ZNG1E: variants seen among roughly 807,000 people sequenced by gnomAD.
ZNG1E encodes the protein zinc-regulated GTPase metalloprotein activator 1E.
At chr9:65,717,888 T>C in the ZNG1E span, among the ~76,000 whole-genome samples, 1 of 146,290 alleles carries the variant, frequency 6.8e-6, no homozygotes, top group Non-Finnish European at 1.5e-5. Flanking sequence ...GGTTTTGCCA[T>C]GTTGCTGAAG....
the ZNG1E span, among the ~76,000 whole-genome samples, chr9:65,687,589 G>A: frequency 4.0e-5 from 6 of 151,498 alleles, no homozygotes; most frequent in South Asian, 1.2e-3. Context: ...TTATTAGGAA[G>A]AATTTGTGAG....
At chr9:65,693,938 G>A in the ZNG1E span, among the ~76,000 whole-genome samples, 1 of 150,708 alleles carries the variant, frequency 6.6e-6, no homozygotes, top group Non-Finnish European at 1.5e-5. Context: ...TGTCAGGTTT[G>A]TCAAATAGCT....
chr9:65,715,378 G>C, the ZNG1E span, among the ~76,000 whole-genome samples: 44 of 151,010 alleles, frequency 2.9e-4, no homozygotes, highest in African/African-American at 1.0e-3. Flanking sequence ...CACGCTGGGA[G>C]CTGTAGACCG....
chr9:65,702,256 C>G, the ZNG1E span, among the ~76,000 whole-genome samples: 1 of 151,730 alleles, frequency 6.6e-6, no homozygotes, highest in South Asian at 2.1e-4. Flanking sequence ...GGTAAGTAAC[C>G]CTAAAGACAA....
At chr9:65,656,545 A>G in the ZNG1E span, among the ~76,000 whole-genome samples, 2 of 152,044 alleles carry the variant, frequency 1.3e-5, no homozygotes, top group Admixed American at 1.3e-4. Flanking sequence ...GGATTGGGTT[A>G]TAAGTCTGTA....
the ZNG1E span, among the ~76,000 whole-genome samples, chr9:65,695,989 C>T: frequency 2.7e-5 from 4 of 149,658 alleles, no homozygotes; most frequent in African/African-American, 9.8e-5. Context: ...GAATAGAATG[C>T]CAAACTTTCC....
the ZNG1E span, among the ~76,000 whole-genome samples, chr9:65,665,900 GC>G: frequency 6.7e-6 from 1 of 148,560 alleles, no homozygotes; most frequent in Non-Finnish European, 1.5e-5. Context: ...CTTTGTTTTG[GC>G]CAATTTCTCC....
At chr9:65,661,279 A>G in the ZNG1E span, among the ~76,000 whole-genome samples, 10 of 141,480 alleles carry the variant, frequency 7.1e-5, no homozygotes, top group African/African-American at 2.8e-4. Context: ...CAAAACTAAC[A>G]AACCAAAGGA....
chr9:65,673,774 C>T, the ZNG1E span, among the ~76,000 whole-genome samples: 1 of 152,296 alleles, frequency 6.6e-6, no homozygotes, highest in Non-Finnish European at 1.5e-5. Context: ...CAATGCAATC[C>T]CTGCTGGGCG....
chr9:65,671,688 G>A, the ZNG1E span, among the ~76,000 whole-genome samples: 8 of 151,986 alleles, frequency 5.3e-5, no homozygotes, highest in Non-Finnish European at 7.4e-5. Context: ...AGAGCAGAGG[G>A]GACTTCCTTA....
chr9:65,675,320 T>C, the ZNG1E span, among the ~76,000 whole-genome samples: 2 of 152,014 alleles, frequency 1.3e-5, no homozygotes, highest in African/African-American at 4.8e-5. Context: ...ATATGATTAA[T>C]GAACTTAGAT....
the ZNG1E span, chr9:65,679,593 T>C: frequency 1.1e-5 from 4 of 377,972 alleles, no homozygotes; most frequent in Admixed American, 1.8e-4. Flanking sequence ...TCTCTCTCTG[T>C]CGCCAGGCTG....
chr9:65,717,724 A>G, the ZNG1E span, among the ~76,000 whole-genome samples: 6 of 148,606 alleles, frequency 4.0e-5, no homozygotes, highest in South Asian at 6.4e-4. Flanking sequence ...GTCTGGGTCT[A>G]TTGCCCAGGC....
At chr9:65,662,336 T>A in the ZNG1E span, among the ~76,000 whole-genome samples, 1 of 152,232 alleles carries the variant, frequency 6.6e-6, no homozygotes, top group African/African-American at 2.4e-5. Flanking sequence ...GAATGCAATG[T>A]GGGATTCTGG....
At chr9:65,714,356 C>T in the ZNG1E span, among the ~76,000 whole-genome samples, 4 of 151,668 alleles carry the variant, frequency 2.6e-5, no homozygotes, top group Admixed American at 2.0e-4. Context: ...TTTCTCAGCT[C>T]GTCAAAGTCA....
chr9:65,710,620 C>T, the ZNG1E span, among the ~76,000 whole-genome samples: 1 of 152,072 alleles, frequency 6.6e-6, no homozygotes, highest in Non-Finnish European at 1.5e-5. Context: ...GAATCCTTTC[C>T]CCACTGCTTG....
At chr9:65,677,451 T>C in the ZNG1E span, among the ~76,000 whole-genome samples, 1 of 152,216 alleles carries the variant, frequency 6.6e-6, no homozygotes, top group African/African-American at 2.4e-5. Context: ...TGTCCATCTT[T>C]AGCTACACAC....
chr9:65,666,863 C>A, the ZNG1E span, among the ~76,000 whole-genome samples: 7 of 152,206 alleles, frequency 4.6e-5, no homozygotes, highest in Non-Finnish European at 8.8e-5. Context: ...TGTTATCGCC[C>A]AGGCTGGAAT....
chr9:65,676,579 C>T, the ZNG1E span, among the ~76,000 whole-genome samples: 3 of 150,758 alleles, frequency 2.0e-5, no homozygotes, highest in African/African-American at 7.4e-5. Flanking sequence ...CAGCAGATTC[C>T]CCTTCCCCAG....
Sources: gnomAD v4.1 joint callset for allele counts (sites outside exome capture counted in the v4.1 genomes callset) on GRCh38, gnomAD v4.1.1 for gene constraint, MANE v1.5 for transcripts, NCBI Gene and HGNC (gene_info 2026-07-23, HGNC 2026-07-21) for gene names.